Variants in WWOX observed in about 807,000 individuals in gnomAD.
WWOX encodes the protein WW domain-containing oxidoreductase.
WWOX carries 69 observed loss-of-function variants against 46.2 expected under a neutral mutation model. The ratio of observed to expected loss-of-function variants is 1.49; its 90% CI spans 1.23 to 1.82. WWOX has a LOEUF of 1.82. Ranked by LOEUF, WWOX falls within the 40% of genes most tolerant of loss-of-function variation. The probability of loss-of-function intolerance (pLI) is 0.00; values close to 1 mark genes in which losing one functional copy is unlikely to be tolerated. For missense variants in WWOX, 919 were observed against 542.6 expected, an observed-to-expected ratio of 1.69 and a Z score of -6.89; for synonymous variants, 359 against 202.6, an observed-to-expected ratio of 1.77 and a Z score of -6.56.
intron 8 of WWOX, among the ~76,000 whole-genome samples, chr16:78,730,780 G>C (rs2048952183): frequency 6.6e-6 from 1 of 151,490 alleles, no homozygotes. Context: ...AAATCTTTTA[G>C]GAAAAAAAAG....
intron 8 of WWOX, among the ~76,000 whole-genome samples, chr16:78,920,866 T>C (rs1298029685): frequency 6.6e-6 from 1 of 152,224 alleles, no homozygotes; most frequent in Admixed American, 6.5e-5. Flanking sequence ...AAAACTCTGA[T>C]GAGCTCGATG....
chr16:78,744,522 C>T (rs560374434), intron 8 of WWOX, among the ~76,000 whole-genome samples: 35 of 148,780 alleles, frequency 2.4e-4, no homozygotes, highest in African/African-American at 8.0e-4. Context: ...ACATCTGCCT[C>T]CTGGGTTCAA....
At chr16:79,039,050 G>A (rs183798544) in intron 8 of WWOX, among the ~76,000 whole-genome samples, 28 of 151,842 alleles carry the variant, frequency 1.8e-4, no homozygotes, top group Admixed American at 3.9e-4. Flanking sequence ...AAACCTCTAC[G>A]TTGGGATTCT....
intron 8 of WWOX, among the ~76,000 whole-genome samples, chr16:78,715,866 A>T (rs2048549573): frequency 6.6e-6 from 1 of 152,142 alleles, no homozygotes; most frequent in Non-Finnish European, 1.5e-5. Context: ...GGGCTGTGTC[A>T]CATGACCCCT....
chr16:78,555,750 A>G (rs981173283), intron 8 of WWOX, among the ~76,000 whole-genome samples: 2 of 152,092 alleles, frequency 1.3e-5, no homozygotes, highest in Admixed American at 6.5e-5. Flanking sequence ...GAATGATTTC[A>G]CAAGGAGTGC....
At chr16:78,702,044 T>TATATATATATATATATAA (rs1419045896) in intron 8 of WWOX, among the ~76,000 whole-genome samples, 4 of 109,980 alleles carry the variant, frequency 3.6e-5, no homozygotes, top group African/African-American at 1.2e-4. Flanking sequence ...TATATATATA[T>TATATATATATATATATAA]AAAATAATGC....
In WWOX at chr16:78,639,374, C is replaced by T. The variant is rs568541852; in HGVS notation, c.1056+206622C>T. 2.6e-5 allele frequency among the ~76,000 whole-genome samples: 4 copies of T among 152,294 alleles called. No individual in the cohort carries two copies. The South Asian group carries it at 6.2e-4, about 24-fold the overall frequency. ...ATATGACTTCATGGGAACCTCATAA[C>T]AGACCTGTGGGCTCAGAATTATTCT... is the stretch of plus-strand genomic sequence containing the variant. On this transcript the variant is annotated intron_variant, in intron 8 of 8. Coordinates refer to ENST00000566780, the MANE Select transcript of WWOX (RefSeq NM_016373.4).
intron 8 of WWOX, among the ~76,000 whole-genome samples, chr16:78,630,808 G>A (rs1015333866): frequency 2.6e-5 from 4 of 152,128 alleles, no homozygotes; most frequent in African/African-American, 7.2e-5. Context: ...AGACATAGTT[G>A]GGACCAGACC....
At chr16:78,314,351 A>G (rs1210591639) in intron 5 of WWOX, among the ~76,000 whole-genome samples, 1 of 145,990 alleles carries the variant, frequency 6.8e-6, no homozygotes, top group African/African-American at 2.5e-5. Flanking sequence ...GGTTGCAGTG[A>G]GCCGAGATCG....
intron 8 of WWOX, among the ~76,000 whole-genome samples, chr16:78,760,684 G>C (rs900288223): frequency 1.3e-5 from 2 of 152,164 alleles, no homozygotes; most frequent in African/African-American, 2.4e-5. Context: ...GTCTCAAGCT[G>C]CTGATTTCCG....
intron 5 of WWOX, among the ~76,000 whole-genome samples, chr16:78,296,369 A>G (rs887292598): frequency 2.0e-5 from 3 of 151,902 alleles, no homozygotes; most frequent in African/African-American, 7.2e-5. Flanking sequence ...GCCTTTTTGC[A>G]TGGATCATTT....
chr16:78,190,464 A>G (rs1389929075), intron 5 of WWOX, among the ~76,000 whole-genome samples: 2 of 152,172 alleles, frequency 1.3e-5, no homozygotes, highest in Non-Finnish European at 2.9e-5. Context: ...TATCCAGTAT[A>G]CCTAGTGACT....
chr16:78,745,247 T>A (rs1192721242), intron 8 of WWOX, among the ~76,000 whole-genome samples: 1 of 152,220 alleles, frequency 6.6e-6, no homozygotes, highest in Non-Finnish European at 1.5e-5. Context: ...GTGGACTGAT[T>A]GATTACATTT....
intron 8 of WWOX, among the ~76,000 whole-genome samples, chr16:78,519,245 A>G (rs2043299215): frequency 6.6e-6 from 1 of 152,098 alleles, no homozygotes; most frequent in African/African-American, 2.4e-5. Context: ...TGTGTGTTAA[A>G]GGACTTGCGG....
Position 78,706,682 on chromosome 16 carries a change from G to C in WWOX, c.1056+273930G>C, listed in dbSNP as rs566758719. 5.4e-4 allele frequency among the ~76,000 whole-genome samples: 82 copies of C among 152,306 alleles called. 1 individual carries two copies. Among genetic ancestry groups the C allele is most frequent in the South Asian group, 3.5e-3 (17 of 4,830 alleles). The stretch of plus-strand genomic sequence containing the variant: ...CAGGAGAGGAAAGGCTCTTTCAGCT[G>C]CTCTTTCTCGATCCTTGCAGTTTCC... On this transcript the variant is annotated intron_variant, in intron 8 of 8. Coordinates refer to ENST00000566780, the MANE Select transcript of WWOX (RefSeq NM_016373.4).
chr16:79,178,830 GA>G (rs1296494941), intron 8 of WWOX, among the ~76,000 whole-genome samples: 1 of 152,126 alleles, frequency 6.6e-6, no homozygotes, highest in Non-Finnish European at 1.5e-5. Flanking sequence ...TTGAATAATA[GA>G]AACAATTTTT....
rs574529431 is a variant in WWOX at position 78,462,569 on chromosome 16, G to A, written c.1056+29817G>A. 5.3e-5 allele frequency among the ~76,000 whole-genome samples: 8 copies of A among 152,294 alleles called. No homozygotes were observed. The South Asian group carries it at 1.2e-3, about 24-fold the overall frequency. ...TCAGTGTCTGCAAATGACAGCCGCC[G>A]TGCTGAGCGCTCACTGAAGTGGAAC... On this transcript the variant is annotated intron_variant, in intron 8 of 8. Transcript: ENST00000566780.
chr16:79,037,530 A>AC (rs1167130438), intron 8 of WWOX, among the ~76,000 whole-genome samples: 1 of 152,102 alleles, frequency 6.6e-6, no homozygotes, highest in Non-Finnish European at 1.5e-5. Flanking sequence ...CCAAAGTCAC[A>AC]CTGCTGATGA....
At chr16:78,774,722 A>G (rs951719580) in intron 8 of WWOX, among the ~76,000 whole-genome samples, 1 of 151,856 alleles carries the variant, frequency 6.6e-6, no homozygotes, top group Non-Finnish European at 1.5e-5. Flanking sequence ...TCCCCACCCA[A>G]CACACACACA....
Sources: allele counts gnomAD v4.1 joint callset (sites outside exome capture counted in the v4.1 genomes callset), GRCh38; gene constraint gnomAD v4.1.1; transcripts MANE v1.5; gene names NCBI Gene and HGNC (gene_info 2026-07-23, HGNC 2026-07-21).